The following RPS6KA6 variants were observed in gnomAD, a reference collection of about 807,000 sequenced individuals.
RPS6KA6 encodes ribosomal protein S6 kinase alpha-6.
A neutral mutation model predicts 65.4 loss-of-function variants in RPS6KA6; 27 were observed. The observed-to-expected ratio is 0.41, with a 90% CI of 0.30 to 0.57. RPS6KA6 has a LOEUF of 0.57. Among genes scored for constraint, RPS6KA6 ranks in the 20% least tolerant of loss-of-function variants. RPS6KA6 has a pLI of 0.24. For missense variants in RPS6KA6, 486 were observed against 555.6 expected (o/e 0.87, Z 1.26); for synonymous variants, 190 against 184.2 (o/e 1.03, Z -0.26).
intron 18 of RPS6KA6, among the ~76,000 whole-genome samples, chrX:84,101,543 T>C (rs1221591540): frequency 4.5e-5 from 5 of 110,920 alleles, no homozygotes; most frequent in East Asian, 2.8e-4. Context: ...AGTTAGAAGA[T>C]CCTAAAGACA....
intron 20 of RPS6KA6, among the ~76,000 whole-genome samples, chrX:84,086,611 G>A (rs919968939): frequency 3.6e-5 from 4 of 110,602 alleles, no homozygotes; most frequent in East Asian, 2.8e-4. Flanking sequence ...AGTAAATGCC[G>A]CCTAGCAATG....
chrX:84,177,617 A>G (rs1393082835), intron 1 of RPS6KA6, among the ~76,000 whole-genome samples: 1 of 111,897 alleles, frequency 8.9e-6, no homozygotes, highest in Admixed American at 9.5e-5. Context: ...AATATTCTCA[A>G]TACAAACCCA....
intron 8 of RPS6KA6, among the ~76,000 whole-genome samples, chrX:84,120,821 G>A (rs889367333): frequency 4.5e-5 from 5 of 111,515 alleles, no homozygotes; most frequent in Non-Finnish European, 7.5e-5. Context: ...TCTACAATTT[G>A]TATAAAAAAG....
chrX:84,104,544 T>C lies in RPS6KA6; in HGVS notation c.1569A>G (p.Ile523Met), dbSNP rs148389332. Residue 523 changes from isoleucine to methionine, a missense_variant, in exon 17 of 22, where the codon ATA (isoleucine) becomes ATG (methionine). Transcript: ENST00000262752. ...KCFSEREASD[I>M]LYVISKTVDY... ...CAACTGTCTTACTTATTACATATAG[T>C]ATATCACTAGCCTCCCGTTCCGAGA... 19 of 1,183,077 alleles carry C rather than the reference T, an allele frequency of 1.6e-5. No individual in the cohort carries two copies. Among genetic ancestry groups the C allele is most frequent in the Middle Eastern group, 2.3e-4 (1 of 4,260 alleles).
chrX:84,175,625 A>G lies in RPS6KA6; in HGVS notation c.82-11238T>C, dbSNP rs1322756626. The stretch of plus-strand genomic sequence containing the variant: ...GGAGGAAATCGGGTATTAATATATT[A>G]GAAAAGCAAAAGGGTGGGAAAGATC... On this transcript the variant is annotated intron_variant, in intron 1 of 21. Transcript: ENST00000262752. 7.2e-5 allele frequency among the ~76,000 whole-genome samples: 8 copies of G among 111,369 alleles called. No individual in the cohort carries two copies. In the East Asian group the frequency reaches 2.2e-3, roughly 31 times the overall value.
At chrX:84,162,052 G>A (rs1346192653) in intron 2 of RPS6KA6, among the ~76,000 whole-genome samples, 2 of 111,356 alleles carry the variant, frequency 1.8e-5, no homozygotes, top group Non-Finnish European at 3.8e-5. Context: ...GTTAACTCAT[G>A]TCAGCCAACT....
At chrX:84,078,499 T>C (rs1234376578) in intron 20 of RPS6KA6, among the ~76,000 whole-genome samples, 1 of 111,424 alleles carries the variant, frequency 9.0e-6, no homozygotes, top group Non-Finnish European at 1.9e-5. Flanking sequence ...TAGATATTCA[T>C]AGCAGCTTTA....
chrX:84,174,438 C>T (rs895406300), intron 1 of RPS6KA6, among the ~76,000 whole-genome samples: 1 of 110,962 alleles, frequency 9.0e-6, no homozygotes, highest in African/African-American at 3.3e-5. Flanking sequence ...AAAGAGATGT[C>T]TTTTTTTTAA....
At chrX:84,184,640 A>C (rs1215993453) in intron 1 of RPS6KA6, among the ~76,000 whole-genome samples, 1 of 109,594 alleles carries the variant, frequency 9.1e-6, no homozygotes, top group Non-Finnish European at 1.9e-5. Context: ...AATTAATTAA[A>C]ACTAGAAGTT....
intron 1 of RPS6KA6, among the ~76,000 whole-genome samples, chrX:84,181,302 T>C (rs1015512582): frequency 9.0e-6 from 1 of 111,634 alleles, no homozygotes; most frequent in Admixed American, 9.5e-5. Flanking sequence ...GAACAAGTTA[T>C]TTAACCTCTT....
chrX:84,142,001 A>G (rs1201257304), intron 6 of RPS6KA6, among the ~76,000 whole-genome samples: 3 of 111,760 alleles, frequency 2.7e-5, no homozygotes. Context: ...GCAATTTAAT[A>G]TCACTATCAA....
intron 2 of RPS6KA6, among the ~76,000 whole-genome samples, chrX:84,161,133 T>C (rs1360542072): frequency 2.7e-5 from 3 of 111,639 alleles, no homozygotes; most frequent in African/African-American, 9.8e-5. Context: ...AACTTATTTG[T>C]ACAGATGTTC....
chrX:84,074,590 T>C (rs1052303913), intron 20 of RPS6KA6, among the ~76,000 whole-genome samples: 1 of 112,245 alleles, frequency 8.9e-6, no homozygotes, highest in African/African-American at 3.2e-5. Context: ...TTGAACATCA[T>C]ACAATATACA....
chrX:84,064,361 G>A lies in RPS6KA6; in HGVS notation c.2154C>T (p.Thr718=), dbSNP rs763518904. ...CTACAGGCTCTAGGACTGGTTGAAA[G>A]GTCTTGTGAGTCAGGGCAGAGTATG... ...VATYSALTHK[T]FQPVLEPVAA... is the part of the protein sequence containing the mutation. The change falls in exon 22 of 22, where the codon ACC becomes ACT. Residue 718 remains threonine (T), a synonymous_variant. Transcript: ENST00000262752. 15 of 1,207,405 alleles carry A rather than the reference G, an allele frequency of 1.2e-5. No individual in the cohort carries two copies. In the South Asian group the frequency reaches 1.8e-4, roughly 14 times the overall value.
intron 1 of RPS6KA6, among the ~76,000 whole-genome samples, chrX:84,174,755 G>A (rs1426015905): frequency 9.0e-6 from 1 of 111,198 alleles, no homozygotes; most frequent in African/African-American, 3.3e-5. Context: ...TACTTGTTAA[G>A]TGTCTCTTCC....
intron 1 of RPS6KA6, among the ~76,000 whole-genome samples, chrX:84,177,411 G>A (rs1450573177): frequency 1.8e-5 from 2 of 111,248 alleles, no homozygotes; most frequent in African/African-American, 3.3e-5. Context: ...CAGATAGAGC[G>A]ACCAAGTAAA....
chrX:84,163,915 T>C (rs943980410), intron 2 of RPS6KA6, among the ~76,000 whole-genome samples: 1 of 111,762 alleles, frequency 8.9e-6, no homozygotes, highest in African/African-American at 3.3e-5. Flanking sequence ...AGGAAATTGA[T>C]TTTAAATGAT....
At chrX:84,094,308 G>GAAAAAAAAAAAAAAA (rs144397619) in intron 20 of RPS6KA6, among the ~76,000 whole-genome samples, 1 of 68,515 alleles carries the variant, frequency 1.5e-5, no homozygotes. Flanking sequence ...GCCTTAAAGG[G>GAAAAAAAAAAAAAAA]AAAAAAAAAA....
intron 1 of RPS6KA6, among the ~76,000 whole-genome samples, chrX:84,185,785 G>C (rs2035920151): frequency 9.0e-6 from 1 of 111,168 alleles, no homozygotes; most frequent in African/African-American, 3.3e-5. Context: ...CACAATTGAG[G>C]GTTGTAGAGC....
Sources: gnomAD v4.1 joint callset for allele counts (sites outside exome capture counted in the v4.1 genomes callset) on GRCh38, gnomAD v4.1.1 for gene constraint, MANE v1.5 for transcripts, NCBI Gene and HGNC (gene_info 2026-07-23, HGNC 2026-07-21) for gene names.